The following MAGI2 variants were observed in gnomAD, a reference collection of about 807,000 sequenced individuals.
MAGI2 encodes the protein membrane associated guanylate kinase, WW and PDZ domain containing 2.
A neutral mutation model predicts 133.3 loss-of-function variants in MAGI2; 35 were observed. The ratio of observed to expected loss-of-function variants is 0.26; its 90% CI spans 0.20 to 0.35. The LOEUF is 0.35. Ranked by LOEUF, MAGI2 falls within the 10% of genes least tolerant of loss-of-function variation. The probability of loss-of-function intolerance (pLI) is 1.00; values close to 1 mark genes in which losing one functional copy is unlikely to be tolerated. For missense variants in MAGI2, 1,636 were observed against 1,863.4 expected (o/e 0.88, Z 2.25); for synonymous variants, 729 against 710.6 (o/e 1.03, Z -0.41).
At chr7:78,699,999 A>C (rs1817903616) in intron 2 of MAGI2, among the ~76,000 whole-genome samples, 1 of 152,184 alleles carries the variant, frequency 6.6e-6, no homozygotes, top group Non-Finnish European at 1.5e-5. Flanking sequence ...ATTTTAGTTA[A>C]ATAGAAATTA....
intron 6 of MAGI2, among the ~76,000 whole-genome samples, chr7:78,395,173 T>C (rs1796229950): frequency 6.6e-6 from 1 of 152,208 alleles, no homozygotes; most frequent in Admixed American, 6.6e-5. Flanking sequence ...CCTTTAGTGA[T>C]TCTTGTTTAA....
At chr7:78,822,877 G>T (rs1012769716) in intron 2 of MAGI2, among the ~76,000 whole-genome samples, 6 of 152,100 alleles carry the variant, frequency 3.9e-5, no homozygotes, top group African/African-American at 9.7e-5. Context: ...GAAGTTCTTG[G>T]ATAGTATCTG....
intron 1 of MAGI2, among the ~76,000 whole-genome samples, chr7:79,008,051 T>A (rs1807642184): frequency 6.6e-6 from 1 of 152,130 alleles, no homozygotes; most frequent in Non-Finnish European, 1.5e-5. Context: ...TATAAAGATT[T>A]ATCTTAAAAC....
intron 3 of MAGI2, among the ~76,000 whole-genome samples, chr7:78,558,818 A>G (rs1020431955): frequency 3.4e-5 from 5 of 146,828 alleles, no homozygotes; most frequent in Non-Finnish European, 7.4e-5. Context: ...TATTCTAACA[A>G]TGGATCCTTT....
At chr7:78,762,922 C>T (rs547535205) in intron 2 of MAGI2, among the ~76,000 whole-genome samples, 5 of 152,300 alleles carry the variant, frequency 3.3e-5, no homozygotes, top group African/African-American at 9.6e-5. Context: ...TAGTTTGGTA[C>T]ACTGGCTAGA....
chr7:78,088,144 G>A (rs909813267), intron 20 of MAGI2, among the ~76,000 whole-genome samples: 7 of 152,140 alleles, frequency 4.6e-5, no homozygotes, highest in African/African-American at 1.7e-4. Flanking sequence ...CTCTTCCTTG[G>A]ATGTAATTGA....
At chr7:78,655,161 C>T (rs183762540) in intron 2 of MAGI2, among the ~76,000 whole-genome samples, 114 of 151,674 alleles carry the variant, frequency 7.5e-4, no homozygotes, top group African/African-American at 2.6e-3. Context: ...TTTAAAAATG[C>T]CATTCAGGCA....
chr7:78,058,055 G>T (rs1812830796), intron 21 of MAGI2, among the ~76,000 whole-genome samples: 1 of 121,250 alleles, frequency 8.2e-6, no homozygotes, highest in Non-Finnish European at 1.7e-5. Flanking sequence ...CCTGCTAGTT[G>T]CTTTTTCTGT....
At chr7:79,405,638 C>G (rs921937242) in intron 1 of MAGI2, among the ~76,000 whole-genome samples, 2 of 152,030 alleles carry the variant, frequency 1.3e-5, no homozygotes, top group Admixed American at 6.6e-5. Context: ...TACCATTGTA[C>G]CTAGGCCTTT....
chr7:78,511,366 A>G (rs915063189), intron 4 of MAGI2, among the ~76,000 whole-genome samples: 7 of 151,910 alleles, frequency 4.6e-5, no homozygotes, highest in Non-Finnish European at 7.4e-5. Flanking sequence ...GCAGTCACGC[A>G]TTCTACACAG....
At chr7:79,295,600 A>G (rs1836867814) in intron 1 of MAGI2, among the ~76,000 whole-genome samples, 1 of 151,842 alleles carries the variant, frequency 6.6e-6, no homozygotes, top group Non-Finnish European at 1.5e-5. Flanking sequence ...ATTATTTAGT[A>G]TGCCTGTCCA....
At chr7:79,019,808 G>C (rs532327376) in intron 1 of MAGI2, among the ~76,000 whole-genome samples, 1 of 152,234 alleles carries the variant, frequency 6.6e-6, no homozygotes, top group African/African-American at 2.4e-5. Flanking sequence ...TCCTCCCAAA[G>C]TTTTGGGATT....
intron 6 of MAGI2, among the ~76,000 whole-genome samples, chr7:78,478,098 G>T (rs537007692): frequency 6.6e-6 from 1 of 151,278 alleles, no homozygotes; most frequent in Non-Finnish European, 1.5e-5. Flanking sequence ...AACAGGCCCC[G>T]GTGTGTGATG....
chr7:78,602,000 C>T (rs1805258752), intron 3 of MAGI2, among the ~76,000 whole-genome samples: 1 of 152,004 alleles, frequency 6.6e-6, no homozygotes, highest in Non-Finnish European at 1.5e-5. Context: ...TAGAATGAGC[C>T]CCACATTTCA....
At chr7:78,711,782 A>G (rs1819216456) in intron 2 of MAGI2, among the ~76,000 whole-genome samples, 1 of 152,164 alleles carries the variant, frequency 6.6e-6, no homozygotes, top group African/African-American at 2.4e-5. Flanking sequence ...TTGATGTTTA[A>G]GAAAATATTT....
intron 1 of MAGI2, among the ~76,000 whole-genome samples, chr7:79,230,025 G>C (rs1368921520): frequency 7.0e-6 from 1 of 143,044 alleles, no homozygotes; most frequent in East Asian, 2.1e-4. Flanking sequence ...TCCCACCTAT[G>C]AGTGAGAATA....
intron 3 of MAGI2, among the ~76,000 whole-genome samples, chr7:78,599,124 C>T (rs1352335672): frequency 2.0e-5 from 3 of 152,070 alleles, no homozygotes; most frequent in Non-Finnish European, 4.4e-5. Flanking sequence ...TATTTTGGCA[C>T]CACTAAAATC....
At chr7:79,117,392 G>GA (rs942484924) in intron 1 of MAGI2, among the ~76,000 whole-genome samples, 23 of 151,746 alleles carry the variant, frequency 1.5e-4, no homozygotes, top group Non-Finnish European at 2.7e-4. Flanking sequence ...TAATTTGTAG[G>GA]AAAAAAAATC....
chr7:78,860,360 C>T (rs1794054129), intron 2 of MAGI2, among the ~76,000 whole-genome samples: 1 of 152,148 alleles, frequency 6.6e-6, no homozygotes, highest in Admixed American at 6.5e-5. Context: ...TCTGGTTTAT[C>T]CCCATCTTTG....
Sources: allele counts gnomAD v4.1 joint callset (sites outside exome capture counted in the v4.1 genomes callset), GRCh38; gene constraint gnomAD v4.1.1; transcripts MANE v1.5; gene names NCBI Gene and HGNC (gene_info 2026-07-23, HGNC 2026-07-21).